Variants in NCOA3 observed in about 807,000 individuals in gnomAD.
NCOA3 encodes the protein CBP-interacting protein.
In NCOA3, 51 loss-of-function variants were observed where a neutral mutation model predicts 158.8. That is an observed-to-expected ratio of 0.32 (90% confidence interval 0.26 to 0.41). The LOEUF (loss-of-function observed/expected upper bound fraction) is 0.41, where lower values mean the gene tolerates loss of function less well. Ranked by LOEUF, NCOA3 falls within the 10% of genes least tolerant of loss-of-function variation. NCOA3 has a pLI of 1.00. For synonymous variants in NCOA3, 537 were observed against 592.4 expected (o/e 0.91, Z 1.36); for missense variants, 1,510 against 1,746.6 (o/e 0.86, Z 2.41).
intron 1 of NCOA3, among the ~76,000 whole-genome samples, chr20:47,513,688 T>A (rs1228875510): frequency 3.2e-5 from 4 of 124,492 alleles, no homozygotes; most frequent in Non-Finnish European, 6.3e-5. Flanking sequence ...ATCGCGCCAC[T>A]ACACTCCAGC....
chr20:47,563,438 G>C (rs2085139554), intron 1 of NCOA3, among the ~76,000 whole-genome samples: 1 of 152,074 alleles, frequency 6.6e-6, no homozygotes, highest in Non-Finnish European at 1.5e-5. Context: ...CTCTGTACTT[G>C]GTCTCAATTT....
At chr20:47,615,928 C>T (rs894895620) in intron 2 of NCOA3, among the ~76,000 whole-genome samples, 2 of 151,954 alleles carry the variant, frequency 1.3e-5, no homozygotes, top group Non-Finnish European at 2.9e-5. Flanking sequence ...GAGGCTGAGG[C>T]GGGTGGATCA....
chr20:47,629,812 TA>T (rs1437947467), intron 8 of NCOA3, among the ~76,000 whole-genome samples: 1 of 152,220 alleles, frequency 6.6e-6, no homozygotes, highest in Non-Finnish European at 1.5e-5. Context: ...CTGAAGATAC[TA>T]AATAAAATAT....
At chr20:47,534,776 TG>T (rs1489369946) in intron 1 of NCOA3, among the ~76,000 whole-genome samples, 4 of 151,938 alleles carry the variant, frequency 2.6e-5, no homozygotes, top group Admixed American at 6.6e-5. Flanking sequence ...ATTGTCTGGG[TG>T]TGGTGGCGTG....
At chr20:47,614,938 C>A (rs1292924058) in intron 2 of NCOA3, among the ~76,000 whole-genome samples, 1 of 152,162 alleles carries the variant, frequency 6.6e-6, no homozygotes, top group African/African-American at 2.4e-5. Context: ...GAGAAATTTT[C>A]TGGCTAACTG....
At chr20:47,535,050 G>A (rs1243854630) in intron 1 of NCOA3, among the ~76,000 whole-genome samples, 1 of 149,212 alleles carries the variant, frequency 6.7e-6, no homozygotes, top group Admixed American at 6.7e-5. Flanking sequence ...AATAATTAGC[G>A]TTATTATTAT....
chr20:47,639,839 C>T lies in NCOA3; in HGVS notation c.2953+17C>T, dbSNP rs370734465. 2 of 1,612,728 alleles carry T rather than the reference C, an allele frequency of 1.2e-6. No homozygotes were observed. The highest frequency in any genetic ancestry group is 1.7e-6 in the Non-Finnish European group (2 of 1,178,874). On this transcript the variant is annotated intron_variant, in intron 15 of 22. Coordinates refer to ENST00000371998, the MANE Select transcript of NCOA3 (RefSeq NM_181659.3). ...TTCAAATGAGTAAGTGTCCACCCTC[C>T]CCTCTTCATGAAAAAAGAAAGTTAG...
At chr20:47,570,695 G>A (rs770881289) in intron 1 of NCOA3, among the ~76,000 whole-genome samples, 2 of 151,702 alleles carry the variant, frequency 1.3e-5, no homozygotes, top group Admixed American at 6.6e-5. Flanking sequence ...CATCTAGAAT[G>A]GTAAATCTTT....
Position 47,639,083 on chromosome 20 carries a change from C to G in NCOA3, c.2588C>G (p.Ser863Cys), listed in dbSNP as rs768431047. The change falls in exon 14 of 23, where the codon TCT becomes TGT. Residue 863 changes from serine (S) to cysteine (C), a missense_variant. This residue lies in a region of NCOA3 where 1,017 missense variants were observed against 1,098.3 expected (regional missense o/e 0.93). Coordinates refer to ENST00000371998, the MANE Select transcript of NCOA3 (RefSeq NM_181659.3). ...GCAGTGTCTCTGGATAGCCCTGTTT[C>G]TGTTGGCTCAAGTCCTCCAGTAAAA... ...NRAVSLDSPV[S>C]VGSSPPVKNI... 3.7e-6 allele frequency: 6 copies of G among 1,614,164 alleles called. No homozygotes were observed. The highest frequency in any genetic ancestry group is 4.2e-6 in the Non-Finnish European group (5 of 1,180,010).
intron 1 of NCOA3, among the ~76,000 whole-genome samples, chr20:47,557,179 T>A (rs1196012555): frequency 6.6e-6 from 1 of 152,252 alleles, no homozygotes; most frequent in African/African-American, 2.4e-5. Context: ...GTCCAAGGGA[T>A]ATCTTTCATA....
intron 1 of NCOA3, among the ~76,000 whole-genome samples, chr20:47,516,313 A>G (rs1177156544): frequency 6.6e-6 from 1 of 152,126 alleles, no homozygotes; most frequent in East Asian, 1.9e-4. Context: ...CTTCTGTTCA[A>G]TATTGCTGTG....
intron 1 of NCOA3, among the ~76,000 whole-genome samples, chr20:47,516,424 G>C (rs1178533908): frequency 2.0e-5 from 3 of 152,062 alleles, no homozygotes; most frequent in Non-Finnish European, 4.4e-5. Context: ...CAGGACACAG[G>C]GAAGAGAATT....
chr20:47,512,185 C>T (rs1014262217), intron 1 of NCOA3, among the ~76,000 whole-genome samples: 16 of 151,438 alleles, frequency 1.1e-4, no homozygotes, highest in Admixed American at 1.1e-3. Flanking sequence ...ATAATTTTTA[C>T]AAAAAACAAA....
At chr20:47,641,180 C>T (rs1202581384) in intron 16 of NCOA3, among the ~76,000 whole-genome samples, 1 of 151,876 alleles carries the variant, frequency 6.6e-6, no homozygotes, top group African/African-American at 2.4e-5. Flanking sequence ...AACTTCATGC[C>T]CTTGTATGTG....
In NCOA3 at chr20:47,501,948, CCGGCGG is replaced by C. The variant is rs1037935996; in HGVS notation, c.-165_-160del. The C allele has an allele frequency of 1.0e-5, 4 of 400,664 alleles. No individual in the cohort carries two copies. The highest frequency in any genetic ancestry group is 1.8e-5 in the Non-Finnish European group (4 of 227,660). The allele number at this position is 400,664 out of a possible 1,614,324, so 24.8% of individuals were successfully genotyped here. A position where few individuals can be genotyped will look rare whatever the true frequency, so the allele number is the denominator to read the frequency against. The stretch of plus-strand genomic sequence containing the variant: ...GCGGCTGCGGCTTAGTCGGTGGCGG[CCGGCGG>C]CGGCTGCGGGCTGAGCGGCGAGTTT... On this transcript the variant is annotated 5_prime_UTR_variant, in exon 1 of 23. Transcript: ENST00000371998.
chr20:47,544,058 C>T (rs1253932550), intron 1 of NCOA3, among the ~76,000 whole-genome samples: 2 of 152,086 alleles, frequency 1.3e-5, no homozygotes, highest in Non-Finnish European at 2.9e-5. Flanking sequence ...CCCGATTCCC[C>T]CAATTTAATA....
In NCOA3 at chr20:47,653,756, T is replaced by A. The variant is rs1487252994; in HGVS notation, c.*339T>A. The A allele has an allele frequency of 5.8e-6, 2 of 345,278 alleles. No homozygotes were observed. The highest frequency in any genetic ancestry group is 1.0e-5 in the Non-Finnish European group (2 of 191,298). The allele number at this position is 345,278 out of a possible 1,614,324, so 21.4% of individuals were successfully genotyped here. ...CTTTTTTCTGCCTTGCTAGCCAAAA[T>A]CTCTTAAATACACGTAGGTGGGCCA... On this transcript the variant is annotated 3_prime_UTR_variant, in exon 23 of 23. Coordinates refer to ENST00000371998, the MANE Select transcript of NCOA3 (RefSeq NM_181659.3).
In NCOA3 at chr20:47,642,293, T is replaced by G. The variant is rs1568751179; in HGVS notation, c.3161T>G (p.Leu1054Trp). The G allele has an allele frequency of 6.2e-7, 1 of 1,613,680 alleles. No individual in the cohort carries two copies. The highest frequency in any genetic ancestry group is 8.5e-7 in the Non-Finnish European group (1 of 1,179,896). The change falls in exon 17 of 23, where the codon TTG (leucine) becomes TGG (tryptophan). Residue 1054 changes from leucine (L) to tryptophan (W), a missense_variant. By Grantham distance (61) the Leu-to-Trp change is moderately conservative. Transcript: ENST00000371998. The stretch of plus-strand genomic sequence containing the variant: ...GGCCAGAGTGACGAAAGAGCATTAT[T>G]GGACCAGCTGCACACTCTTCTCAGC... ...LEGQSDERAL[L>W]DQLHTLLSNT...
chr20:47,599,358 G>A (rs2085819395), intron 2 of NCOA3, among the ~76,000 whole-genome samples: 1 of 152,102 alleles, frequency 6.6e-6, no homozygotes. Context: ...GTGAATAGGT[G>A]GAAGGTTGGG....
Sources: allele counts gnomAD v4.1 joint callset (sites outside exome capture counted in the v4.1 genomes callset), GRCh38; gene constraint gnomAD v4.1.1; regional missense constraint gnomAD v4.1.1; transcripts MANE v1.5; gene names NCBI Gene and HGNC (gene_info 2026-07-23, HGNC 2026-07-21).